The following COL6A3 variants were observed in gnomAD, a reference collection of about 807,000 sequenced individuals.
COL6A3 encodes collagen alpha-3(VI) chain.
COL6A3 carries 137 observed loss-of-function variants against 274.1 expected under a neutral mutation model. The ratio of observed to expected loss-of-function variants is 0.50; its 90% CI spans 0.44 to 0.58. The LOEUF (loss-of-function observed/expected upper bound fraction) is 0.58, where lower values mean the gene tolerates loss of function less well. COL6A3 is among the 20% of genes least tolerant of loss of function. COL6A3 has a pLI of 0.00. For synonymous variants in COL6A3, 1,650 were observed against 1,650.6 expected (o/e 1.00, Z 0.01); for missense variants, 3,950 against 4,124.9 (o/e 0.96, Z 1.16).
At chr2:237,331,858 T>A (rs1700244997) in intron 42 of COL6A3, among the ~76,000 whole-genome samples, 1 of 151,390 alleles carries the variant, frequency 6.6e-6, no homozygotes, top group African/African-American at 2.4e-5. Context: ...CTGAGGGTTA[T>A]GCCCCAATTA....
intron 28 of COL6A3, among the ~76,000 whole-genome samples, chr2:237,348,948 G>C (rs1160111231): frequency 6.6e-6 from 1 of 152,192 alleles, no homozygotes; most frequent in African/African-American, 2.4e-5. Flanking sequence ...CTGTTTGGAT[G>C]TAGAATCAAA....
At chr2:237,402,098 G>C (rs562250237) in intron 1 of COL6A3, among the ~76,000 whole-genome samples, 3 of 152,108 alleles carry the variant, frequency 2.0e-5, no homozygotes, top group Non-Finnish European at 4.4e-5. Flanking sequence ...AGGATATTAT[G>C]CTAAGTGAAA....
chr2:237,390,587 G>A (rs12052971), intron 3 of COL6A3, among the ~76,000 whole-genome samples: 53,482 of 152,116 alleles, frequency 0.35, 10,740 homozygotes, highest in African/African-American at 0.56. Flanking sequence ...CACATCCTCT[G>A]TGGTGTTTTC....
rs764996069 is a variant in COL6A3 at position 237,360,060 on chromosome 2, G to T, written c.6282+28C>A. On this transcript the variant is annotated intron_variant, in intron 17 of 43. Transcript: ENST00000295550. The stretch of plus-strand genomic sequence containing the variant: ...TGCGAGTCACCTGACCCCTCCCCAC[G>T]CTAGCAACCCCATCACCCACGCCTC... 4 of 1,612,448 alleles carry T rather than the reference G, an allele frequency of 2.5e-6. No individual in the cohort carries two copies. The African/African-American group carries it at 4.0e-5, about 16-fold the overall frequency.
chr2:237,380,841 T>C, intron 5 of COL6A3, 74 bp downstream of exon 5: 3 of 1,342,118 alleles, frequency 2.2e-6, no homozygotes, highest in Non-Finnish European at 3.2e-6. Flanking sequence ...ACAAACACAC[T>C]TCATTTTGTT....
At position 237,334,662 on chromosome 2, in the gene COL6A3, G is replaced by A. The variant is rs886043992; in HGVS notation, c.9193C>T (p.Gln3065Ter). The change falls in exon 41 of 44, where the codon CAG (glutamine) becomes TAG (stop). Residue 3065 changes from glutamine to a stop codon, truncating the protein, a stop_gained. Transcript: ENST00000295550. LOFTEE classifies it high-confidence loss of function. ...CTTCCGTGGTAGGTGGCTCTGACCT[G>A]AGACCTCAGGTAGCAGACCACAGCC... ...HVAVVCYLRS[Q>*]VRATYHGSFS... 1 of 1,613,690 alleles carries A rather than the reference G, an allele frequency of 6.2e-7. No homozygotes were observed. Among genetic ancestry groups the A allele is most frequent in the Non-Finnish European group, 8.5e-7 (1 of 1,180,030 alleles).
intron 8 of COL6A3, among the ~76,000 whole-genome samples, chr2:237,373,206 T>A (rs1049391358): frequency 6.6e-6 from 1 of 152,122 alleles, no homozygotes; most frequent in Non-Finnish European, 1.5e-5. Flanking sequence ...TGTACGTTCC[T>A]GACAACAGAA....
chr2:237,347,289 T>TCA (rs374430423), intron 31 of COL6A3, among the ~76,000 whole-genome samples: 4,685 of 151,058 alleles, frequency 0.031, 94 homozygotes, highest in South Asian at 0.056. Context: ...TGAGACCTTG[T>TCA]CACACACACA....
At chr2:237,325,516 T>G in intron 43 of COL6A3, 44 bp downstream of exon 43, 1 of 1,606,434 alleles carries the variant, frequency 6.2e-7, no homozygotes, top group Middle Eastern at 1.7e-4. Context: ...TTGACCTGAA[T>G]CTCTTATTTG....
chr2:237,362,694 C>T (rs1473046287), intron 14 of COL6A3, among the ~76,000 whole-genome samples: 1 of 152,204 alleles, frequency 6.6e-6, no homozygotes, highest in Non-Finnish European at 1.5e-5. Flanking sequence ...CTCAGCCCCA[C>T]ATCTTCCAAA....
chr2:237,374,288 G>T lies in COL6A3; in HGVS notation c.3679+124C>A. 1 of 1,422,266 alleles carries T rather than the reference G, an allele frequency of 7.0e-7. No individual in the cohort carries two copies. The highest frequency in any genetic ancestry group is 9.8e-7 in the Non-Finnish European group (1 of 1,024,452). 88.1% of individuals were successfully genotyped at this position (1,422,266 alleles called of 1,614,324 possible). ...GGCATGTGGGTTCCTAAATTTTCCT[G>T]TAATTTTAGTTTTCACTTCACATGG... On this transcript the variant is annotated intron_variant, in intron 8 of 43. Transcript: ENST00000295550. This position sits in a 1 kb window ranked among gnomAD's most constrained non-coding sequence, Gnocchi z 4.8.
intron 1 of COL6A3, among the ~76,000 whole-genome samples, chr2:237,408,919 C>G (rs891312269): frequency 1.3e-5 from 2 of 152,102 alleles, no homozygotes; most frequent in African/African-American, 4.8e-5. Flanking sequence ...AACAGTTACT[C>G]CTCTGCTGAA....
At chr2:237,353,435 C>G (rs762541304) in intron 24 of COL6A3, 32 bp from the exon 25 acceptor site, 18 of 1,594,992 alleles carry the variant, frequency 1.1e-5, no homozygotes, top group Non-Finnish European at 1.5e-5. Context: ...AGGGAGGAGT[C>G]AGGATGGTTC....
intron 23 of COL6A3, chr2:237,355,374 C>T (rs928949180): frequency 6.1e-6 from 1 of 164,582 alleles, no homozygotes; most frequent in Admixed American, 6.2e-5. Context: ...CCCAGGTTCT[C>T]CAAGTGATCC....
At chr2:237,341,441 G>C (rs1004736378) in intron 37 of COL6A3, among the ~76,000 whole-genome samples, 7 of 151,090 alleles carry the variant, frequency 4.6e-5, no homozygotes, top group African/African-American at 1.7e-4. Flanking sequence ...CTACTCTGGA[G>C]GCTGAGGCAG....
At chr2:237,351,269 C>T in intron 26 of COL6A3, 77 bp from the exon 27 acceptor site, 1 of 1,411,968 alleles carries the variant, frequency 7.1e-7, no homozygotes, top group Non-Finnish European at 1.0e-6. Flanking sequence ...CCTGACTCTC[C>T]CCTGCATGGA....
chr2:237,388,006 C>G lies in COL6A3; in HGVS notation c.888G>C (p.Leu296Phe), dbSNP rs1338571932. The G allele has an allele frequency of 1.5e-5, 24 of 1,614,050 alleles. No homozygotes were observed. Among genetic ancestry groups the G allele is most frequent in the Non-Finnish European group, 2.0e-5 (24 of 1,180,048 alleles). Reference sequence around the variant, plus strand: ...CCTGGGCCTTGGTGGAGTAGGTGTCCAAGGAGAACATGGTTCTGGGCTCAT... The same window carrying G: ...CCTGGGCCTTGGTGGAGTAGGTGTCGAAGGAGAACATGGTTCTGGGCTCAT... ...FSDEPRTMFS[L>F]DTYSTKAQVL... Residue 296 changes from leucine to phenylalanine, a missense_variant, in exon 4 of 44, where the codon TTG (leucine) becomes TTC (phenylalanine). Physicochemically the swap from Leu to Phe is conservative, Grantham distance 22. Transcript: ENST00000295550.
At chr2:237,343,312 T>A (rs1321203767) in intron 36 of COL6A3, 1 of 148,370 alleles carries the variant, frequency 6.7e-6, no homozygotes, top group African/African-American at 2.5e-5. Flanking sequence ...CTGACCAATA[T>A]GGTGAAACCC....
intron 32 of COL6A3, among the ~76,000 whole-genome samples, chr2:237,346,020 T>C (rs1421432992): frequency 6.6e-6 from 1 of 152,004 alleles, no homozygotes; most frequent in African/African-American, 2.4e-5. Flanking sequence ...AATAAAGAGG[T>C]TTGGAAGGGC....
Sources: allele counts gnomAD v4.1 joint callset (sites outside exome capture counted in the v4.1 genomes callset), GRCh38; gene constraint gnomAD v4.1.1; non-coding constraint Gnocchi (gnomAD v3.1); transcripts MANE v1.5; gene names NCBI Gene and HGNC (gene_info 2026-07-23, HGNC 2026-07-21).